Variants in REPS2 observed in about 807,000 individuals in gnomAD.
REPS2 encodes the protein ralBP1-associated Eps domain-containing protein 2.
REPS2 carries 23 observed loss-of-function variants against 53.6 expected under a neutral mutation model. The observed-to-expected ratio is 0.43, with a 90% confidence interval of 0.31 to 0.61. The LOEUF is 0.61. Among genes scored for constraint, REPS2 ranks in the 20% least tolerant of loss-of-function variants. The pLI, the probability that REPS2 is intolerant of heterozygous loss-of-function variation, is 0.11. For missense variants in REPS2, 446 were observed against 534.9 expected, an observed-to-expected ratio of 0.83 and a Z score of 1.64; for synonymous variants, 238 against 218.6, an observed-to-expected ratio of 1.09 and a Z score of -0.78.
Position 17,152,268 on chromosome X carries a change from T to A in REPS2, c.*4787T>A, listed in dbSNP as rs2063576381. The A allele has an allele frequency of 8.9e-6, 1 of 112,145 alleles. No individual in the cohort carries two copies. The highest frequency in any genetic ancestry group is 9.5e-5 in the Admixed American group (1 of 10,564). 9.2% of individuals were successfully genotyped at this position (112,145 alleles called of 1,213,427 possible). ...GAGCAAGACATCTGAAGTACACAGT[T>A]GCTTTTAGGCTTGTATAGTTATTTT... On this transcript the variant is annotated 3_prime_UTR_variant, in exon 18 of 18. Coordinates refer to ENST00000357277, the MANE Select transcript of REPS2 (RefSeq NM_004726.3).
At chrX:17,050,204 T>TTTCTTTTCTTTTCTTTTCTTTTC (rs1569148746) in intron 6 of REPS2, among the ~76,000 whole-genome samples, 2 of 81,217 alleles carry the variant, frequency 2.5e-5, no homozygotes, top group Non-Finnish European at 2.2e-5. Flanking sequence ...CTTTTTTTTT[T>TTTCTTTTCTTTTCTTTTCTTTTC]TTTTTTGACA....
At chrX:17,101,937 T>C (rs1168457192) in intron 13 of REPS2, among the ~76,000 whole-genome samples, 1 of 112,597 alleles carries the variant, frequency 8.9e-6, no homozygotes, top group Non-Finnish European at 1.9e-5. Context: ...TGTATAGTCC[T>C]CTTTTTTGTT....
At chrX:17,010,089 C>T (rs921918738) in intron 2 of REPS2, among the ~76,000 whole-genome samples, 2 of 111,420 alleles carry the variant, frequency 1.8e-5, no homozygotes, top group Non-Finnish European at 3.8e-5. Flanking sequence ...CCCTACTATC[C>T]TACCTAAAGT....
intron 14 of REPS2, among the ~76,000 whole-genome samples, chrX:17,110,309 A>ATT (rs2062942748): frequency 1.0e-5 from 1 of 98,778 alleles, no homozygotes; most frequent in African/African-American, 3.8e-5. Context: ...TTTAGATTTC[A>ATT]CTTTTTTTTT....
At chrX:17,100,758 A>G (rs969940975) in intron 13 of REPS2, among the ~76,000 whole-genome samples, 2 of 111,883 alleles carry the variant, frequency 1.8e-5, no homozygotes, top group African/African-American at 6.5e-5. Flanking sequence ...AAGGTACTGA[A>G]AAGAGGAAAC....
the REPS2 span, among the ~76,000 whole-genome samples, chrX:17,192,105 A>ATC: frequency 8.9e-6 from 1 of 112,381 alleles, no homozygotes; most frequent in South Asian, 3.7e-4. Flanking sequence ...TTTTTGAAAT[A>ATC]TCTCTCTCTC....
the REPS2 span, among the ~76,000 whole-genome samples, chrX:17,172,232 A>C: frequency 9.0e-6 from 1 of 111,725 alleles, no homozygotes; most frequent in Non-Finnish European, 1.9e-5. Context: ...AGACAGGCTG[A>C]TATGGTTTGG....
chrX:16,966,264 A>G (rs2060767284), intron 1 of REPS2, among the ~76,000 whole-genome samples: 1 of 112,600 alleles, frequency 8.9e-6, no homozygotes, highest in Non-Finnish European at 1.9e-5. Context: ...TGCTACTGAA[A>G]TGAAATTTAC....
chrX:16,954,805 C>CTTTTTTTTTTTTTTTTTTTTTTTTTTTT, intron 1 of REPS2, among the ~76,000 whole-genome samples: 1 of 59,335 alleles, frequency 1.7e-5, no homozygotes, highest in Non-Finnish European at 2.9e-5. Context: ...TTATTTATAA[C>CTTTTTTTTTTTTTTTTTTTTTTTTTTTT]TTTTTTTTTT....
At chrX:17,050,200 T>C (rs1365206561) in intron 6 of REPS2, among the ~76,000 whole-genome samples, 6 of 76,221 alleles carry the variant, frequency 7.9e-5, no homozygotes, top group African/African-American at 2.3e-4. Context: ...CTTTCTTTTT[T>C]TTTTTTTTTT....
At chrX:17,192,686 T>C in the REPS2 span, among the ~76,000 whole-genome samples, 3 of 112,102 alleles carry the variant, frequency 2.7e-5, no homozygotes, top group Non-Finnish European at 5.6e-5. Context: ...GTGGTTTACT[T>C]GATATAGTTT....
At chrX:16,994,392 CATAT>C (rs1285032666) in intron 1 of REPS2, among the ~76,000 whole-genome samples, 1 of 108,571 alleles carries the variant, frequency 9.2e-6, no homozygotes, top group East Asian at 2.8e-4. Context: ...CACACACGTA[CATAT>C]ATATACACAC....
intron 4 of REPS2, among the ~76,000 whole-genome samples, chrX:17,027,312 T>C (rs2061657403): frequency 8.9e-6 from 1 of 112,524 alleles, no homozygotes; most frequent in African/African-American, 3.2e-5. Flanking sequence ...AATGACTGAC[T>C]GTACTCATAT....
rs760768274 is a variant in REPS2 at position 17,103,454 on chromosome X, C to T, written c.1517-264C>T. 9.0e-5 allele frequency among the ~76,000 whole-genome samples: 10 copies of T among 111,712 alleles called. No individual in the cohort carries two copies. The East Asian group carries it at 2.5e-3, about 28-fold the overall frequency. On this transcript the variant is annotated intron_variant, in intron 13 of 17. Coordinates refer to ENST00000357277, the MANE Select transcript of REPS2 (RefSeq NM_004726.3). Reference sequence around the variant, plus strand: ...GGAATTGACCACCTTTCCCTTGCTGCGTTTTAGGTGTCTTTTCTGTACCAT... The same window carrying T: ...GGAATTGACCACCTTTCCCTTGCTGTGTTTTAGGTGTCTTTTCTGTACCAT...
chrX:17,135,597 C>A, intron 16 of REPS2, 191 bp downstream of exon 16: 1 of 453,746 alleles, frequency 2.2e-6, no homozygotes, highest in Non-Finnish European at 3.5e-6. Context: ...TAGGACTTAA[C>A]CTGACCTAAA....
chrX:17,029,680 G>T, intron 5 of REPS2, 57 bp downstream of exon 5: 1 of 853,878 alleles, frequency 1.2e-6, no homozygotes, highest in South Asian at 2.3e-5. Flanking sequence ...TTTGGGCTTC[G>T]GGGACATGGC....
At chrX:17,014,085 CATT>C (rs1452662296) in intron 2 of REPS2, among the ~76,000 whole-genome samples, 1 of 111,699 alleles carries the variant, frequency 9.0e-6, no homozygotes, top group African/African-American at 3.3e-5. Flanking sequence ...TACACATTGA[CATT>C]ATGTAAAAAA....
At chrX:17,074,386 C>A in intron 12 of REPS2, 1 of 342,812 alleles carries the variant, frequency 2.9e-6, no homozygotes, top group Non-Finnish European at 5.1e-6. Flanking sequence ...TGCCCTACGG[C>A]CCCTCAACGT....
chrX:16,970,968 TG>T (rs1204382096), intron 1 of REPS2, among the ~76,000 whole-genome samples: 1 of 112,748 alleles, frequency 8.9e-6, no homozygotes, highest in African/African-American at 3.2e-5. Context: ...TATAGGTTTT[TG>T]TGTGGACATA....
Sources: gnomAD v4.1 joint callset for allele counts (sites outside exome capture counted in the v4.1 genomes callset) on GRCh38, gnomAD v4.1.1 for gene constraint, MANE v1.5 for transcripts, NCBI Gene and HGNC (gene_info 2026-07-23, HGNC 2026-07-21) for gene names.